SPACDR: variants seen among roughly 807,000 people sequenced by gnomAD.
SPACDR encodes sperm acrosome developmental regulator, also known as uncharacterized protein C7orf61.
chr7:100,456,943 G>T, the SPACDR span: 1 of 1,613,466 alleles, frequency 6.2e-7, no homozygotes, highest in South Asian at 1.1e-5. Flanking sequence ...AAAGGTGACT[G>T]CGTCCTCACT....
chr7:100,463,519 T>C, the SPACDR span: 2 of 1,613,976 alleles, frequency 1.2e-6, no homozygotes, highest in African/African-American at 2.7e-5. Context: ...CGCAGGGATC[T>C]GCCAGCTCGG....
the SPACDR span, among the ~76,000 whole-genome samples, chr7:100,458,234 GTGTGTA>G: frequency 2.2e-5 from 3 of 139,018 alleles, no homozygotes; most frequent in Non-Finnish European, 3.2e-5. Flanking sequence ...GTGTGTGTGT[GTGTGTA>G]TAATTTTACC....
chr7:100,464,100 G>A, the SPACDR span: 7,457 of 1,503,214 alleles, frequency 5.0e-3, 250 homozygotes, highest in African/African-American at 0.076. Flanking sequence ...GGTGGGGGAT[G>A]GGGTGGGCTG....
the SPACDR span, among the ~76,000 whole-genome samples, chr7:100,462,465 G>A: frequency 3.1e-4 from 46 of 150,766 alleles, no homozygotes; most frequent in Non-Finnish European, 1.2e-4. Flanking sequence ...AGCCTGCCTC[G>A]GCCTCCCAAA....
the SPACDR span, among the ~76,000 whole-genome samples, chr7:100,457,854 TA>T: frequency 1.2e-3 from 141 of 120,570 alleles, 6 homozygotes; most frequent in African/African-American, 4.5e-3. Context: ...TATATATATA[TA>T]TATTTTTTTT....
chr7:100,462,892 T>TCG, the SPACDR span, among the ~76,000 whole-genome samples: 1 of 148,520 alleles, frequency 6.7e-6, no homozygotes, highest in Admixed American at 6.6e-5. Flanking sequence ...GGTGGATCAC[T>TCG]TGAGGCCAGG....
the SPACDR span, among the ~76,000 whole-genome samples, chr7:100,463,094 ACT>A: frequency 6.8e-6 from 1 of 146,708 alleles, no homozygotes; most frequent in African/African-American, 2.5e-5. Flanking sequence ...ACAGAGGGAG[ACT>A]CTGTCTCAGG....
the SPACDR span, chr7:100,463,438 C>T: frequency 7.4e-6 from 12 of 1,613,602 alleles, no homozygotes; most frequent in African/African-American, 4.0e-5. Context: ...CGGCCGTCCT[C>T]GGCAGCTGCA....
At chr7:100,463,545 T>G in the SPACDR span, 3 of 1,613,896 alleles carry the variant, frequency 1.9e-6, no homozygotes, top group Non-Finnish European at 2.5e-6. Context: ...TCACCCAACT[T>G]GGGCTTAGCC....
the SPACDR span, among the ~76,000 whole-genome samples, chr7:100,457,857 A>ATATT: frequency 1.1e-5 from 1 of 88,342 alleles, no homozygotes; most frequent in African/African-American, 4.9e-5. Flanking sequence ...ATATATATAT[A>ATATT]TTTTTTTTTT....
chr7:100,459,971 G>A, the SPACDR span, among the ~76,000 whole-genome samples: 1 of 150,538 alleles, frequency 6.6e-6, no homozygotes, highest in South Asian at 2.1e-4. Context: ...CTCACTGCAA[G>A]CTCCGCCTCC....
chr7:100,458,194 T>G, the SPACDR span, among the ~76,000 whole-genome samples: 2 of 97,776 alleles, frequency 2.0e-5, no homozygotes, highest in Admixed American at 2.5e-4. Context: ...TTGTACTCAC[T>G]GGTGTGTGTG....
the SPACDR span, among the ~76,000 whole-genome samples, chr7:100,459,161 G>A: frequency 6.3e-5 from 9 of 143,122 alleles, no homozygotes; most frequent in East Asian, 2.2e-4. Flanking sequence ...CTGCCACCAC[G>A]CCTGGCTAAT....
the SPACDR span, among the ~76,000 whole-genome samples, chr7:100,462,598 C>T: frequency 1.3e-5 from 2 of 151,606 alleles, no homozygotes; most frequent in East Asian, 3.9e-4. Context: ...CTCATTACAG[C>T]CTTGAACTCC....
the SPACDR span, chr7:100,463,305 G>A: frequency 3.7e-6 from 5 of 1,353,756 alleles, no homozygotes; most frequent in South Asian, 5.5e-5. Flanking sequence ...TAATCAGAGG[G>A]AGGGGTGAGT....
the SPACDR span, among the ~76,000 whole-genome samples, chr7:100,462,529 T>A: frequency 2.4e-4 from 36 of 149,824 alleles, no homozygotes; most frequent in Non-Finnish European, 4.7e-4. Flanking sequence ...ATATATATAT[T>A]TTTAAGAGAC....
At chr7:100,464,132 AG>A in the SPACDR span, 1 of 1,541,950 alleles carries the variant, frequency 6.5e-7, no homozygotes, top group Admixed American at 2.0e-5. Flanking sequence ...CCACCTCTTG[AG>A]GGGTCTCCTG....
At chr7:100,459,699 G>A in the SPACDR span, among the ~76,000 whole-genome samples, 82 of 152,210 alleles carry the variant, frequency 5.4e-4, no homozygotes, top group Non-Finnish European at 8.5e-4. Flanking sequence ...CCCTGGGCTC[G>A]AGCGATGCTT....
chr7:100,462,724 G>A, the SPACDR span, among the ~76,000 whole-genome samples: 1 of 148,474 alleles, frequency 6.7e-6, no homozygotes, highest in Non-Finnish European at 1.5e-5. Flanking sequence ...TGTTGCCCAG[G>A]CTGGCCTTGA....
Sources: gnomAD v4.1 joint callset for allele counts (sites outside exome capture counted in the v4.1 genomes callset) on GRCh38, gnomAD v4.1.1 for gene constraint, MANE v1.5 for transcripts, NCBI Gene and HGNC (gene_info 2026-07-23, HGNC 2026-07-21) for gene names.